Variants in ECHDC2 observed in about 807,000 individuals in gnomAD.
ECHDC2 encodes the protein enoyl-CoA hydratase domain containing 2, also known as enoyl-CoA hydratase domain-containing protein 2, mitochondrial.
A neutral mutation model predicts 40.6 loss-of-function variants in ECHDC2; 34 were observed. The observed-to-expected ratio is 0.84, with a 90% CI of 0.64 to 1.11. The LOEUF (loss-of-function observed/expected upper bound fraction) is 1.11. Among genes scored for constraint, ECHDC2 ranks in the 50% most tolerant of loss-of-function variants. ECHDC2 has a pLI of 0.00. For missense variants in ECHDC2, 392 were observed against 400.7 expected (o/e 0.98, Z 0.19); for synonymous variants, 162 against 166.6 (o/e 0.97, Z 0.21).
intron 1 of ECHDC2, among the ~76,000 whole-genome samples, chr1:52,917,178 C>T (rs76745692): frequency 3.8e-4 from 57 of 150,928 alleles, no homozygotes; most frequent in African/African-American, 1.2e-3. Flanking sequence ...GCCGAGATCA[C>T]GCCACTGCAC....
intron 3 of ECHDC2, among the ~76,000 whole-genome samples, chr1:52,909,488 T>G (rs1272139679): frequency 1.5e-5 from 2 of 129,802 alleles, no homozygotes; most frequent in Non-Finnish European, 3.2e-5. Context: ...GGGCTACACA[T>G]AAAATACACT....
At chr1:52,906,709 C>T in intron 4 of ECHDC2, 98 bp from the exon 5 acceptor site, 1 of 799,892 alleles carries the variant, frequency 1.3e-6, no homozygotes, top group Admixed American at 2.8e-5. Context: ...ACAGAGGCCT[C>T]AGTGGACCCA....
chr1:52,921,417 T>A (rs7541972), intron 1 of ECHDC2, 136 bp downstream of exon 1: 3 of 1,425,290 alleles, frequency 2.1e-6, no homozygotes, highest in South Asian at 1.5e-5. Flanking sequence ...CTGGAGCGGT[T>A]TGGGGCGCCT....
intron 1 of ECHDC2, among the ~76,000 whole-genome samples, chr1:52,919,492 G>A (rs971397088): frequency 6.6e-6 from 1 of 152,310 alleles, no homozygotes; most frequent in South Asian, 2.1e-4. Flanking sequence ...ATCTAGGACT[G>A]TGTAGGTGCA....
At position 52,899,236 on chromosome 1, in the gene ECHDC2, CAA is replaced by C. The variant is rs3216045; in HGVS notation, c.703-14_703-13del. The stretch of plus-strand genomic sequence containing the variant: ...ACGGCAATGGGGGCCTAGGGAAAAG[CAA>C]AAAGTCTTGGTTGAGGAGGGCATCA... On this transcript the variant is annotated splice_polypyrimidine_tract_variant and intron_variant, in intron 7 of 9. Transcript: ENST00000371522. The C allele has an allele frequency of 0.047, 76,282 of 1,612,592 alleles. 4,062 individuals are homozygous for C. The highest frequency in any genetic ancestry group is 0.22 in the African/African-American group (16,757 of 74,848).
intron 1 of ECHDC2, chr1:52,913,878 A>G (rs2150065729): frequency 1.8e-6 from 2 of 1,117,100 alleles, no homozygotes; most frequent in South Asian, 4.2e-5. Flanking sequence ...GCAGGCCCCC[A>G]TTCTCCTTCC....
rs1361397744 is a variant in ECHDC2 at position 52,896,366 on chromosome 1, G to C, written c.*154C>G. ...TGGTAGGATCAGCACCTTGGTTCCA[G>C]GCATCACGCCAGTCATTTTATTTCC... On this transcript the variant is annotated 3_prime_UTR_variant, in exon 10 of 10. Transcript: ENST00000371522. The C allele has an allele frequency of 1.5e-6, 1 of 676,112 alleles. No homozygotes were observed. Among genetic ancestry groups the C allele is most frequent in the Non-Finnish European group, 2.7e-6 (1 of 376,734 alleles). 41.9% of individuals were successfully genotyped at this position (676,112 alleles called of 1,614,324 possible). A position where few individuals can be genotyped will look rare whatever the true frequency, so the allele number is the denominator to read the frequency against.
At chr1:52,911,170 G>A (rs550987709) in intron 3 of ECHDC2, among the ~76,000 whole-genome samples, 2 of 152,002 alleles carry the variant, frequency 1.3e-5, no homozygotes, top group African/African-American at 2.4e-5. Flanking sequence ...TAGAGAAGGG[G>A]TTTCACCATG....
In ECHDC2 at chr1:52,904,740, A is replaced by C. The variant is rs1349379397; in HGVS notation, c.608T>G (p.Val203Gly). The C allele has an allele frequency of 6.2e-7, 1 of 1,612,846 alleles. No homozygotes were observed. The highest frequency in any genetic ancestry group is 2.2e-5 in the East Asian group (1 of 44,864). ...GRRLSGTEAH[V>G]LGLVNHAVAQ... is the part of the protein sequence containing the mutation. ...CACAGCGTGATTCACCAGCCCCAGT[A>C]CGTGGGCCTCAGTTCCACTCAGTCG... Residue 203 changes from valine to glycine, a missense_variant, in exon 7 of 10, where the codon GTA becomes GGA. By Grantham distance (109) the Val-to-Gly change is moderately radical. Transcript: ENST00000371522.
intron 7 of ECHDC2, chr1:52,899,713 G>A (rs533924744): frequency 2.6e-4 from 43 of 164,826 alleles, no homozygotes; most frequent in Middle Eastern, 3.2e-3. Context: ...CAGCCTCTGC[G>A]GTAAGGTTTT....
In ECHDC2 at chr1:52,911,651, C is replaced by G. The variant is rs1428725975; in HGVS notation, c.192G>C (p.Leu64=). Residue 64 remains leucine, a splice_region_variant and synonymous_variant, in exon 3 of 10, where the codon CTG becomes CTC. Coordinates refer to ENST00000371522, the MANE Select transcript of ECHDC2 (RefSeq NM_001198961.2). ...CCCGCAGCTGGGCCAGAGTTTCCAG[C>G]AGCTACAGAGGACACCCAGTTAGAT... ...NALGNVFVSE[L]LETLAQLRED... 10 of 1,614,100 alleles carry G rather than the reference C, an allele frequency of 6.2e-6. No homozygotes were observed. The Middle Eastern group carries it at 4.9e-4, about 80-fold the overall frequency.
At chr1:52,897,347 A>G in intron 9 of ECHDC2, 90 bp downstream of exon 9, 1 of 1,300,872 alleles carries the variant, frequency 7.7e-7, no homozygotes. Context: ...GTTGAGAAGA[A>G]CCTTCTAAAA....
At chr1:52,911,904 AC>A in intron 1 of ECHDC2, 114 bp from the exon 2 acceptor site, 1 of 1,510,534 alleles carries the variant, frequency 6.6e-7, no homozygotes, top group Non-Finnish European at 8.9e-7. Flanking sequence ...GCCCTAGATG[AC>A]CAGAGTGACT....
intron 4 of ECHDC2, 89 bp from the exon 5 acceptor site, chr1:52,906,700 C>A (rs951613357): frequency 4.1e-6 from 4 of 976,746 alleles, no homozygotes; most frequent in Non-Finnish European, 4.5e-6. Context: ...CTGGTTGGGA[C>A]AGAGGCCTCA....
rs1473434311 is a variant in ECHDC2 at position 52,917,699 on chromosome 1, G to C, written c.121+3854C>G. 6.6e-6 allele frequency: 3 copies of C among 455,032 alleles called. No individual in the cohort carries two copies. In the East Asian group the frequency reaches 2.1e-4, roughly 32 times the overall value. 28.2% of individuals were successfully genotyped at this position (455,032 alleles called of 1,614,324 possible). On this transcript the variant is annotated intron_variant, in intron 1 of 9. Coordinates refer to ENST00000371522, the MANE Select transcript of ECHDC2 (RefSeq NM_001198961.2). ...TTGGTCAGCTACAGACCACATATAA[G>C]ACATATAAGTCCCATCAGACTCTAA...
intron 1 of ECHDC2, chr1:52,913,102 C>A (rs1178284751): frequency 2.0e-5 from 3 of 152,220 alleles, no homozygotes. Flanking sequence ...ACATGCTCCC[C>A]ACAACTCTGT....
Position 52,896,125 on chromosome 1 carries a change from C to A in ECHDC2, c.*395G>T. 5.1e-6 allele frequency: 1 copy of A among 194,368 alleles called. No individual in the cohort carries two copies. Among genetic ancestry groups the A allele is most frequent in the Non-Finnish European group, 1.1e-5 (1 of 91,786 alleles). The allele number at this position is 194,368 out of a possible 1,614,324, so 12.0% of individuals were successfully genotyped here. On this transcript the variant is annotated 3_prime_UTR_variant, in exon 10 of 10. Transcript: ENST00000371522. ...GTTTATTTATTACCTCTGTTGTTCA[C>A]AGGAAGAAACTAGGGGTATCTTAAA...
chr1:52,921,572 G>A lies in ECHDC2; in HGVS notation c.102C>T (p.Ala34=). The A allele has an allele frequency of 6.2e-7, 1 of 1,609,718 alleles. No individual in the cohort carries two copies. The highest frequency in any genetic ancestry group is 8.5e-7 in the Non-Finnish European group (1 of 1,178,618). Reference sequence around the variant, plus strand: ...ATTTACCTTGGTCCGGACCCGCCAGGGCGCGCACTTGGATCTCTGAGCCCC... The same window carrying A: ...ATTTACCTTGGTCCGGACCCGCCAGAGCGCGCACTTGGATCTCTGAGCCCC... ...AAGGSEIQVR[A]LAGPDQGITE... is the part of the protein sequence containing the mutation. Residue 34 remains alanine, a synonymous_variant, in exon 1 of 10, where the codon GCC becomes GCT. Transcript: ENST00000371522.
rs1234139539 is a variant in ECHDC2, at chr1:52,911,714, C to T, written c.189+9G>A. ...TCCCCAGCCCACCCTGGCGCCCGCC[C>T]TTTCTTACCTCACTGACGAAGACAT... On this transcript the variant is annotated intron_variant, in intron 2 of 9. Coordinates refer to ENST00000371522, the MANE Select transcript of ECHDC2 (RefSeq NM_001198961.2). The T allele has an allele frequency of 9.9e-6, 16 of 1,614,176 alleles. No individual in the cohort carries two copies. Among genetic ancestry groups the T allele is most frequent in the Non-Finnish European group, 1.4e-5 (16 of 1,180,008 alleles).
Sources: allele counts gnomAD v4.1 joint callset (sites outside exome capture counted in the v4.1 genomes callset), GRCh38; gene constraint gnomAD v4.1.1; transcripts MANE v1.5; gene names NCBI Gene and HGNC (gene_info 2026-07-23, HGNC 2026-07-21).